Variants in MAP3K21 observed in about 807,000 individuals in gnomAD.
MAP3K21 encodes mitogen-activated protein kinase kinase kinase MLK4.
In MAP3K21, 63 loss-of-function variants were observed where a neutral mutation model predicts 86.1. The ratio of observed to expected loss-of-function variants is 0.73; its 90% CI spans 0.60 to 0.90. The LOEUF (loss-of-function observed/expected upper bound fraction) is 0.90. Among genes scored for constraint, MAP3K21 ranks in the 40% least tolerant of loss-of-function variants. MAP3K21 has a pLI of 0.00. For missense variants in MAP3K21, 1,220 were observed against 1,367.7 expected (o/e 0.89, Z 1.70); for synonymous variants, 558 against 564.8 (o/e 0.99, Z 0.17).
chr1:233,370,318 T>A (rs911046779), intron 5 of MAP3K21, among the ~76,000 whole-genome samples: 2 of 152,220 alleles, frequency 1.3e-5, no homozygotes, highest in African/African-American at 4.8e-5. Flanking sequence ...TTCAAGACCT[T>A]AAGTTACTTT....
chr1:233,382,155 T>C, intron 9 of MAP3K21, 150 bp from the exon 10 acceptor site: 1 of 702,046 alleles, frequency 1.4e-6, no homozygotes, highest in Non-Finnish European at 2.3e-6. Flanking sequence ...CAGTGTGCTA[T>C]GATCATGCCT....
At chr1:233,354,715 A>C in intron 3 of MAP3K21, 121 bp from the exon 4 acceptor site, 3 of 803,948 alleles carry the variant, frequency 3.7e-6, no homozygotes, top group South Asian at 3.2e-5. Context: ...GATACTATAA[A>C]TGGAAGCTTC....
rs1257428510 is a variant in MAP3K21, at chr1:233,384,362, G to C, written c.*1651G>C. ...TGGTAAGTTTTGCCCTAAGGAAAAC[G>C]ATCTTGCATTCTGGATTCTTGCAGC... is the stretch of plus-strand genomic sequence containing the variant. On this transcript the variant is annotated 3_prime_UTR_variant, in exon 10 of 10. Coordinates refer to ENST00000366624, the MANE Select transcript of MAP3K21 (RefSeq NM_032435.3). The C allele has an allele frequency of 1.3e-5, 2 of 152,172 alleles. No homozygotes were observed. Among genetic ancestry groups the C allele is most frequent in the African/African-American group, 4.8e-5 (2 of 41,434 alleles). 9.4% of individuals were successfully genotyped at this position (152,172 alleles called of 1,614,324 possible). A position where few individuals can be genotyped will look rare whatever the true frequency, so the allele number is the denominator to read the frequency against.
At chr1:233,331,698 GT>G (rs1662810980) in intron 1 of MAP3K21, among the ~76,000 whole-genome samples, 2 of 152,148 alleles carry the variant, frequency 1.3e-5, no homozygotes, top group Non-Finnish European at 2.9e-5. Context: ...GGAAATTACT[GT>G]TTTAAACAAA....
intron 1 of MAP3K21, among the ~76,000 whole-genome samples, chr1:233,335,312 A>C (rs190864120): frequency 3.3e-5 from 5 of 152,302 alleles, no homozygotes; most frequent in African/African-American, 1.2e-4. Flanking sequence ...TTTAAAATTC[A>C]TCTTCTCCAA....
At chr1:233,338,432 CAA>C (rs2102759486) in intron 1 of MAP3K21, among the ~76,000 whole-genome samples, 1 of 152,164 alleles carries the variant, frequency 6.6e-6, no homozygotes, top group South Asian at 2.1e-4. Flanking sequence ...AGACATTAAG[CAA>C]AATAAATAAT....
intron 8 of MAP3K21, 93 bp from the exon 9 acceptor site, chr1:233,378,838 A>T (rs758797583): frequency 1.3e-5 from 12 of 894,712 alleles, no homozygotes; most frequent in Non-Finnish European, 2.0e-5. Flanking sequence ...TAAAATATGT[A>T]TTTATTATAT....
intron 8 of MAP3K21, among the ~76,000 whole-genome samples, chr1:233,377,503 G>A (rs906097813): frequency 6.6e-6 from 1 of 152,120 alleles, no homozygotes; most frequent in Non-Finnish European, 1.5e-5. Context: ...GGTCAGCAAC[G>A]TCAGGGAGTG....
At chr1:233,366,483 G>T (rs1401621152) in intron 5 of MAP3K21, among the ~76,000 whole-genome samples, 1 of 152,094 alleles carries the variant, frequency 6.6e-6, no homozygotes, top group African/African-American at 2.4e-5. Flanking sequence ...ATTTTTATGG[G>T]TCAACAAAAA....
At chr1:233,376,117 TC>T (rs1558463607) in intron 7 of MAP3K21, 51 bp downstream of exon 7, 1 of 1,483,578 alleles carries the variant, frequency 6.7e-7, no homozygotes, top group East Asian at 2.3e-5. Flanking sequence ...ACAAATCCAT[TC>T]CTGTGTTAAT....
intron 2 of MAP3K21, 30 bp from the exon 3 acceptor site, chr1:233,353,777 C>T (rs1264069951): frequency 2.0e-6 from 3 of 1,530,804 alleles, no homozygotes; most frequent in African/African-American, 1.4e-5. Flanking sequence ...CTGTTTAGCC[C>T]ATTGAGCATA....
intron 4 of MAP3K21, among the ~76,000 whole-genome samples, chr1:233,360,773 G>A (rs528438316): frequency 6.6e-6 from 1 of 152,272 alleles, no homozygotes; most frequent in East Asian, 1.9e-4. Context: ...CTTGGTTTGG[G>A]TCTAGTTTCT....
chr1:233,345,253 A>T (rs1663111421), intron 1 of MAP3K21, among the ~76,000 whole-genome samples: 1 of 152,214 alleles, frequency 6.6e-6, no homozygotes. Flanking sequence ...AAGGATTATA[A>T]ATCATGCTAC....
intron 1 of MAP3K21, among the ~76,000 whole-genome samples, chr1:233,332,306 G>A (rs1253263847): frequency 1.3e-5 from 2 of 152,112 alleles, no homozygotes; most frequent in Non-Finnish European, 2.9e-5. Flanking sequence ...GTGGAGAGTG[G>A]TAGAGTGGAG....
intron 1 of MAP3K21, among the ~76,000 whole-genome samples, chr1:233,342,039 T>A (rs1663047408): frequency 1.3e-5 from 2 of 152,226 alleles, no homozygotes; most frequent in Admixed American, 1.3e-4. Context: ...CAGCTTTCTG[T>A]GGTTTCAGTA....
chr1:233,382,226 A>G, intron 9 of MAP3K21, 79 bp from the exon 10 acceptor site: 2 of 1,239,568 alleles, frequency 1.6e-6, no homozygotes, highest in Non-Finnish European at 2.3e-6. Flanking sequence ...AATTGCCATC[A>G]TAATTATTTT....
At chr1:233,375,730 T>C (rs1239290809) in intron 6 of MAP3K21, 186 bp from the exon 7 acceptor site, 4 of 534,588 alleles carry the variant, frequency 7.5e-6, no homozygotes, top group Non-Finnish European at 1.3e-5. Flanking sequence ...TCCATTTTTC[T>C]TGATGTTTTT....
chr1:233,361,915 G>GTCC, intron 4 of MAP3K21, 138 bp from the exon 5 acceptor site: 1 of 1,084,934 alleles, frequency 9.2e-7, no homozygotes, highest in East Asian at 2.6e-5. Flanking sequence ...CAGGGCTTGA[G>GTCC]CAGAGGAAGA....
At chr1:233,336,408 G>A (rs1435606019) in intron 1 of MAP3K21, among the ~76,000 whole-genome samples, 1 of 152,086 alleles carries the variant, frequency 6.6e-6, no homozygotes, top group Non-Finnish European at 1.5e-5. Context: ...GGACGTGGTG[G>A]TGGGTGCCTG....
Sources: allele counts gnomAD v4.1 joint callset (sites outside exome capture counted in the v4.1 genomes callset), GRCh38; gene constraint gnomAD v4.1.1; transcripts MANE v1.5; gene names NCBI Gene and HGNC (gene_info 2026-07-23, HGNC 2026-07-21).